MGAT4C: variants seen among roughly 807,000 people sequenced by gnomAD.
The protein encoded by MGAT4C is MGAT4 family member C.
MGAT4C carries 19 observed loss-of-function variants against 40.1 expected under a neutral mutation model. The ratio of observed to expected loss-of-function variants is 0.47; its 90% confidence interval spans 0.33 to 0.70. The LOEUF is 0.70. Ranked by LOEUF, MGAT4C falls within the 30% of genes least tolerant of loss-of-function variation. MGAT4C has a pLI of 0.02. For missense variants in MGAT4C, 491 were observed against 563.2 expected, an observed-to-expected ratio of 0.87 and a Z score of 1.30; for synonymous variants, 181 against 187.1, an observed-to-expected ratio of 0.97 and a Z score of 0.27.
chr12:86,004,640 G>T (rs1298115089), intron 2 of MGAT4C, among the ~76,000 whole-genome samples: 2 of 152,080 alleles, frequency 1.3e-5, no homozygotes, highest in East Asian at 1.9e-4. Flanking sequence ...AGGAGAACAA[G>T]AATTATTTGT....
At chr12:86,472,363 C>T (rs562148612) in intron 2 of MGAT4C, among the ~76,000 whole-genome samples, 1 of 152,214 alleles carries the variant, frequency 6.6e-6, no homozygotes, top group African/African-American at 2.4e-5. Flanking sequence ...AGGAGGTTTC[C>T]TGTCTTTAGC....
chr12:86,336,169 CTT>C (rs546938551), intron 3 of MGAT4C, among the ~76,000 whole-genome samples: 85 of 152,130 alleles, frequency 5.6e-4, no homozygotes, highest in Non-Finnish European at 1.1e-3. Context: ...TGCATTGTTA[CTT>C]TTTTTGTTTT....
chr12:86,590,246 TGAAATTGAAGCTCAGAGAAATTTTAA>T (rs11274884), intron 2 of MGAT4C, among the ~76,000 whole-genome samples: 129,175 of 151,792 alleles, frequency 0.85, 55,507 homozygotes, highest in East Asian at 0.96. Flanking sequence ...TTACCAAGGA[TGAAATTGAAGCTCAGAGAAATTTTAA>T]GAATTTCCCT....
intron 1 of MGAT4C, among the ~76,000 whole-genome samples, chr12:86,781,686 T>C (rs1951843361): frequency 6.6e-6 from 1 of 152,130 alleles, no homozygotes; most frequent in South Asian, 2.1e-4. Flanking sequence ...CATTCAGTGA[T>C]ACCATTTTAG....
At chr12:86,663,631 T>C (rs1432332990) in intron 2 of MGAT4C, among the ~76,000 whole-genome samples, 3 of 152,140 alleles carry the variant, frequency 2.0e-5, no homozygotes. Context: ...TTGTCTATAT[T>C]GACAACCATA....
intron 3 of MGAT4C, among the ~76,000 whole-genome samples, chr12:86,338,709 C>T (rs561320365): frequency 1.3e-5 from 2 of 152,120 alleles, no homozygotes; most frequent in East Asian, 1.9e-4. Context: ...CCTTTAATCC[C>T]ACCACTTTGG....
At chr12:86,670,084 C>G (rs1220887898) in intron 2 of MGAT4C, among the ~76,000 whole-genome samples, 1 of 151,320 alleles carries the variant, frequency 6.6e-6, no homozygotes. Context: ...AAAATAAATA[C>G]AAAAATTAGA....
chr12:86,466,913 T>G (rs951789161), intron 2 of MGAT4C, among the ~76,000 whole-genome samples: 1 of 152,212 alleles, frequency 6.6e-6, no homozygotes, highest in Non-Finnish European at 1.5e-5. Context: ...TCTATAAATT[T>G]CTAAGTTGTA....
Position 86,277,297 on chromosome 12 carries a change from T to C in MGAT4C, c.-57+56768A>G, listed in dbSNP as rs796408198. On this transcript the variant is annotated intron_variant, in intron 4 of 7. Transcript: ENST00000548651. ...CTTATATATTCTGGTTATTAATCCA[T>C]TGTCAGATGAATACTTTGCAAATAT... is the stretch of plus-strand genomic sequence containing the variant. Among the ~76,000 whole-genome samples, 65 of 152,354 alleles carry C rather than the reference T, an allele frequency of 4.3e-4. 1 individual carries two copies. The highest frequency in any genetic ancestry group is 1.3e-3 in the African/African-American group (55 of 41,584).
At chr12:86,408,475 C>CTATATA (rs1363556793) in intron 3 of MGAT4C, among the ~76,000 whole-genome samples, 17 of 104,376 alleles carry the variant, frequency 1.6e-4, no homozygotes, top group East Asian at 6.7e-4. Context: ...CTCTCTCTCT[C>CTATATA]TCTCTATATA....
chr12:86,376,218 CAA>C (rs1166300466), intron 3 of MGAT4C, among the ~76,000 whole-genome samples: 3 of 50,754 alleles, frequency 5.9e-5, no homozygotes, highest in Non-Finnish European at 7.8e-5. Context: ...TAACACATGT[CAA>C]AAAAAAAAAA....
At position 86,172,064 on chromosome 12, in the gene MGAT4C, A is replaced by G. The variant is rs116778479; in HGVS notation, c.-57+84175T>C. Among the ~76,000 whole-genome samples the G allele has an allele frequency of 2.3e-3, 356 of 152,298 alleles. 3 individuals are homozygous for G. Among genetic ancestry groups the G allele is most frequent in the African/African-American group, 8.1e-3 (338 of 41,572 alleles). ...AACATTTCTTTTGAACCTTTCCTCAATATCTCCTCTGGTACAATTAGAGTA... is the reference window on the plus strand; with the variant it reads ...AACATTTCTTTTGAACCTTTCCTCAGTATCTCCTCTGGTACAATTAGAGTA... On this transcript the variant is annotated intron_variant, in intron 1 of 4. Transcript: ENST00000611864.
At chr12:86,153,344 A>C (rs1884529374) in intron 1 of MGAT4C, among the ~76,000 whole-genome samples, 1 of 152,236 alleles carries the variant, frequency 6.6e-6, no homozygotes, top group African/African-American at 2.4e-5. Flanking sequence ...TATTTAATAA[A>C]TTGTTTGAGG....
At chr12:86,670,543 TAAAAA>T (rs370226766) in intron 2 of MGAT4C, among the ~76,000 whole-genome samples, 1 of 151,624 alleles carries the variant, frequency 6.6e-6, no homozygotes, top group Non-Finnish European at 1.5e-5. Flanking sequence ...AAAAAAGAAT[TAAAAA>T]AAATGAACAA....
chr12:86,068,906 T>C (rs1395675244), intron 1 of MGAT4C, among the ~76,000 whole-genome samples: 1 of 152,120 alleles, frequency 6.6e-6, no homozygotes, highest in Non-Finnish European at 1.5e-5. Flanking sequence ...TTGCACTCTG[T>C]GAAGTCCCTC....
chr12:86,767,563 A>G lies in MGAT4C; in HGVS notation c.-261-40322T>C, dbSNP rs1422011454. Among the ~76,000 whole-genome samples, 4 of 152,130 alleles carry G rather than the reference A, an allele frequency of 2.6e-5. No individual in the cohort carries two copies. In the East Asian group the frequency reaches 7.7e-4, roughly 29 times the overall value. ...CCAAAGCTGGGCAGAGACACAACCAAAAAAGAGAATTTGAGACCAATATCC... is the reference window on the plus strand; with the variant it reads ...CCAAAGCTGGGCAGAGACACAACCAGAAAAGAGAATTTGAGACCAATATCC... On this transcript the variant is annotated intron_variant, in intron 1 of 7. Coordinates refer to the MGAT4C transcript ENST00000548651.
rs35691835 is a variant in MGAT4C, at chr12:86,283,192, T to TA, written c.-57+50872dup. ...TCTACCATTCTGCCTTCCACCACAA[T>TA]AAAAAAAAAAAAATTCTTCCAAATA... On this transcript the variant is annotated intron_variant, in intron 4 of 7. Coordinates refer to the MGAT4C transcript ENST00000548651. Among the ~76,000 whole-genome samples the TA allele has an allele frequency of 3.7e-3, 530 of 143,988 alleles. 2 individuals are homozygous for TA. Among genetic ancestry groups the TA allele is most frequent in the African/African-American group, 9.7e-3 (382 of 39,322 alleles). The allele number at this position is 143,988 out of a possible 152,430, so 94.5% of individuals were successfully genotyped here.
At chr12:86,236,919 C>T (rs916087290) in intron 1 of MGAT4C, among the ~76,000 whole-genome samples, 2 of 151,568 alleles carry the variant, frequency 1.3e-5, no homozygotes, top group Admixed American at 1.3e-4. Flanking sequence ...ATTTGTATAC[C>T]TGGTAAAGGC....
At chr12:86,315,658 A>T (rs1027191145) in intron 4 of MGAT4C, among the ~76,000 whole-genome samples, 1 of 152,154 alleles carries the variant, frequency 6.6e-6, no homozygotes, top group African/African-American at 2.4e-5. Context: ...GTGAGCCGAG[A>T]TCGCGCCCCT....
Sources: allele counts gnomAD v4.1 joint callset (sites outside exome capture counted in the v4.1 genomes callset), GRCh38; gene constraint gnomAD v4.1.1; transcripts MANE v1.5; gene names NCBI Gene and HGNC (gene_info 2026-07-23, HGNC 2026-07-21).